Variants in MRPL18 observed in about 807,000 individuals in gnomAD.
MRPL18 encodes the protein mitochondrial ribosomal protein L18.
A neutral mutation model predicts 20.9 loss-of-function variants in MRPL18; 16 were observed. That is an observed-to-expected ratio of 0.76 (90% CI 0.52 to 1.16). The LOEUF (loss-of-function observed/expected upper bound fraction) is 1.16. Among genes scored for constraint, MRPL18 ranks in the 50% most tolerant of loss-of-function variants. The pLI is 0.00. For missense variants in MRPL18, 233 were observed against 230.6 expected, an observed-to-expected ratio of 1.01 and a Z score of -0.07; for synonymous variants, 91 against 87.1, an observed-to-expected ratio of 1.04 and a Z score of -0.25.
intron 2 of MRPL18, among the ~76,000 whole-genome samples, chr6:159,795,646 ACTT>A (rs1465715367): frequency 6.6e-6 from 1 of 152,176 alleles, no homozygotes; most frequent in African/African-American, 2.4e-5. Context: ...TCCTATGTCT[ACTT>A]CTTTCTACAC....
At chr6:159,790,677 CT>C in intron 1 of MRPL18, 38 bp downstream of exon 1, 1 of 1,610,734 alleles carries the variant, frequency 6.2e-7, no homozygotes, top group Non-Finnish European at 8.5e-7. Context: ...GCTCACTCGC[CT>C]GGGCTTGCAC....
upstream of MRPL18, chr6:159,790,157 A>C (rs1366893210): frequency 8.9e-6 from 2 of 223,922 alleles, no homozygotes; most frequent in African/African-American, 4.6e-5. Context: ...CACCCTTTTT[A>C]AGGAGAAAAC....
intron 2 of MRPL18, among the ~76,000 whole-genome samples, chr6:159,795,393 C>G (rs1781005905): frequency 6.6e-6 from 1 of 152,248 alleles, no homozygotes; most frequent in Non-Finnish European, 1.5e-5. Context: ...GCAGAGGTCC[C>G]TGCGGCCTTC....
upstream of MRPL18, chr6:159,789,882 AG>A (rs1780816410): frequency 4.4e-6 from 1 of 227,754 alleles, no homozygotes; most frequent in Non-Finnish European, 9.0e-6. Context: ...AGTGCCTTCT[AG>A]AAAAGGTTGT....
rs751947369 is a variant in MRPL18, at chr6:159,798,140, T to C, written c.*17T>C. 1.3e-6 allele frequency: 2 copies of C among 1,591,242 alleles called. No individual in the cohort carries two copies. Among genetic ancestry groups the C allele is most frequent in the African/African-American group, 2.7e-5 (2 of 74,528 alleles). On this transcript the variant is annotated 3_prime_UTR_variant, in exon 4 of 4. Transcript: ENST00000367034. ...TATGAATAAATGGAAGCATTAATTG[T>C]TTTGAACATGTAAATATAAATCTGT...
At chr6:159,791,162 C>T (rs1326272364) in intron 2 of MRPL18, 36 bp downstream of exon 2, 2 of 1,608,674 alleles carry the variant, frequency 1.2e-6, no homozygotes, top group South Asian at 2.2e-5. Flanking sequence ...AAGGGCAGTG[C>T]ACCCTACAGA....
chr6:159,791,285 A>G (rs1780890678), intron 2 of MRPL18, among the ~76,000 whole-genome samples, 159 bp downstream of exon 2: 1 of 152,186 alleles, frequency 6.6e-6, no homozygotes, highest in African/African-American at 2.4e-5. Flanking sequence ...GATGGGGGCT[A>G]TTTAAAGAGG....
At chr6:159,790,118 G>A (rs533165202), upstream of MRPL18, 430 of 189,860 alleles carry the variant, frequency 2.3e-3, 2 homozygotes, top group African/African-American at 9.4e-3. Flanking sequence ...CGGGCCATAC[G>A]GGAAAATTTT....
rs1050160341 is a variant in MRPL18 at position 159,797,330 on chromosome 6, G to A, written c.283G>A (p.Glu95Lys). 1 of 1,614,162 alleles carries A rather than the reference G, an allele frequency of 6.2e-7. No homozygotes were observed. Among genetic ancestry groups the A allele is most frequent in the Middle Eastern group, 1.6e-4 (1 of 6,062 alleles). ...TCAGCATCATGTAGAAGCACTTGTG[G>A]AGCATCAGAATGGCAAGGTTGTGGT... ...RTQHHVEALV[E>K]HQNGKVVVSA... is the part of the protein sequence containing the mutation. Residue 95 changes from glutamate (E) to lysine (K), a missense_variant, in exon 3 of 4, where the codon GAG (glutamate) becomes AAG (lysine). Transcript: ENST00000367034.
chr6:159,790,976 C>A lies in MRPL18; in HGVS notation c.89C>A (p.Pro30Gln). 1 of 1,614,166 alleles carries A rather than the reference C, an allele frequency of 6.2e-7. No individual in the cohort carries two copies. ...RFAALSTSSE[P>Q]AAKPEVDPVE... ...GCAGCCCTGTCAACCAGCTCCGAGCCGGCAGCGAAACCTGAAGTGGACCCT... is the reference window on the plus strand; with the variant it reads ...GCAGCCCTGTCAACCAGCTCCGAGCAGGCAGCGAAACCTGAAGTGGACCCT... The change falls in exon 2 of 4, where the codon CCG (proline) becomes CAG (glutamine). Residue 30 changes from proline to glutamine, a missense_variant. Physicochemically the swap from Pro to Gln is moderately conservative, Grantham distance 76. Transcript: ENST00000367034.
rs113480367 is a variant in MRPL18 at position 159,797,471 on chromosome 6, A to G, written c.424A>G (p.Asn142Asp). 2 of 1,614,206 alleles carry G rather than the reference A, an allele frequency of 1.2e-6. No individual in the cohort carries two copies. Among genetic ancestry groups the G allele is most frequent in the Non-Finnish European group, 1.7e-6 (2 of 1,180,038 alleles). Reference protein sequence around the residue: ...LAQRCLEAGINFMVYQPTPWE... With the variant: ...LAQRCLEAGIDFMVYQPTPWE... ...ACAGAGATGCTTAGAGGCGGGAATC[A>G]ACTTCATGGTCTACCAACCAACCCC... The change falls in exon 3 of 4, where the codon AAC (asparagine) becomes GAC (aspartate). Residue 142 changes from asparagine to aspartate, a missense_variant. By Grantham distance (23) the Asn-to-Asp change is conservative. Coordinates refer to ENST00000367034, the MANE Select transcript of MRPL18 (RefSeq NM_014161.5).
chr6:159,792,203 C>G (rs950901802), intron 2 of MRPL18, among the ~76,000 whole-genome samples: 1 of 152,098 alleles, frequency 6.6e-6, no homozygotes, highest in Non-Finnish European at 1.5e-5. Context: ...ACCTCAGAGC[C>G]AGGACGCTAG....
chr6:159,793,168 A>G (rs1780945743), intron 2 of MRPL18, among the ~76,000 whole-genome samples: 1 of 152,148 alleles, frequency 6.6e-6, no homozygotes, highest in East Asian at 1.9e-4. Context: ...CATTAAAAAT[A>G]ACTAAAGATG....
chr6:159,790,625 T>C lies in MRPL18; in HGVS notation c.38T>C (p.Val13Ala). ...LRSRFWGLFS[V>A]CRNPGCRFAA... is the part of the protein sequence containing the mutation. Reference sequence around the variant, plus strand: ...TCGCGGTTTTGGGGGTTGTTCTCGGTTTGCAGGAACCCTGGTAATTAGTCT... The same window carrying C: ...TCGCGGTTTTGGGGGTTGTTCTCGGCTTGCAGGAACCCTGGTAATTAGTCT... Residue 13 changes from valine (V) to alanine (A), a missense_variant, in exon 1 of 4, where the codon GTT becomes GCT. Val to Ala is a moderately conservative substitution (Grantham distance 64). Coordinates refer to ENST00000367034, the MANE Select transcript of MRPL18 (RefSeq NM_014161.5). 1 of 1,613,872 alleles carries C rather than the reference T, an allele frequency of 6.2e-7. No homozygotes were observed. The highest frequency in any genetic ancestry group is 2.2e-5 in the East Asian group (1 of 44,868).
At chr6:159,790,357 T>A, upstream of MRPL18, 1 of 628,210 alleles carries the variant, frequency 1.6e-6, no homozygotes, top group Non-Finnish European at 2.8e-6. Context: ...CTCCAGGGCC[T>A]GCGTGCCCCT....
At chr6:159,792,227 T>C (rs1313498337) in intron 2 of MRPL18, among the ~76,000 whole-genome samples, 1 of 152,202 alleles carries the variant, frequency 6.6e-6, no homozygotes, top group Non-Finnish European at 1.5e-5. Flanking sequence ...ATTACCACTA[T>C]ACTACAGCAT....
chr6:159,798,356 T>C lies in MRPL18; in HGVS notation c.*233T>C. The C allele has an allele frequency of 4.7e-6, 2 of 429,668 alleles. No homozygotes were observed. The highest frequency in any genetic ancestry group is 8.2e-6 in the Non-Finnish European group (2 of 242,690). The allele number at this position is 429,668 out of a possible 1,614,324, so 26.6% of individuals were successfully genotyped here. A position where few individuals can be genotyped will look rare whatever the true frequency, so the allele number is the denominator to read the frequency against. On this transcript the variant is annotated 3_prime_UTR_variant, in exon 4 of 4. Transcript: ENST00000367034. ...AGCATCTAAGAAAAGCAGTCATCAA[T>C]TATAATTAACTTTCAAAGGGCAAGT...
chr6:159,794,465 A>G (rs1468835874), intron 2 of MRPL18, among the ~76,000 whole-genome samples: 1 of 152,260 alleles, frequency 6.6e-6, no homozygotes, highest in Non-Finnish European at 1.5e-5. Context: ...CAGGCCTGGC[A>G]TATACTAAGT....
At chr6:159,791,324 C>T (rs1336031322) in intron 2 of MRPL18, among the ~76,000 whole-genome samples, 198 bp downstream of exon 2, 1 of 152,168 alleles carries the variant, frequency 6.6e-6, no homozygotes, top group Non-Finnish European at 1.5e-5. Context: ...GGATACCTGC[C>T]TGTCTGAGGT....
Sources: gnomAD v4.1 joint callset for allele counts (sites outside exome capture counted in the v4.1 genomes callset) on GRCh38, gnomAD v4.1.1 for gene constraint, MANE v1.5 for transcripts, NCBI Gene and HGNC (gene_info 2026-07-23, HGNC 2026-07-21) for gene names.